The following CTNNA2 variants were observed in gnomAD, a reference collection of about 807,000 sequenced individuals.
The protein encoded by CTNNA2 is catenin alpha-2.
CTNNA2 carries 42 observed loss-of-function variants against 101.0 expected under a neutral mutation model. That is an observed-to-expected ratio of 0.42 (90% CI 0.32 to 0.54). CTNNA2 has a LOEUF of 0.54. Ranked by LOEUF, CTNNA2 falls within the 20% of genes least tolerant of loss-of-function variation. The probability of loss-of-function intolerance (pLI) is 0.14; values close to 1 mark genes in which losing one functional copy is unlikely to be tolerated. For missense variants in CTNNA2, 871 were observed against 1,223.1 expected, an observed-to-expected ratio of 0.71 and a Z score of 4.29; for synonymous variants, 450 against 456.4, an observed-to-expected ratio of 0.99 and a Z score of 0.18.
chr2:80,331,310 C>A (rs900359894), intron 7 of CTNNA2, among the ~76,000 whole-genome samples: 1 of 152,146 alleles, frequency 6.6e-6, no homozygotes, highest in Admixed American at 6.5e-5. Flanking sequence ...CTCTTGCCTC[C>A]GTTTGATTGC....
At chr2:80,585,215 G>C (rs75281394) in intron 14 of CTNNA2, among the ~76,000 whole-genome samples, 1,529 of 152,224 alleles carry the variant, frequency 0.01, 12 homozygotes, top group South Asian at 0.041. Flanking sequence ...AAATCTCCTT[G>C]AGATTTAAAT....
In CTNNA2 at chr2:80,125,820, A is replaced by C. The variant is rs548875691; in HGVS notation, c.1056+216023A>C. Reference sequence around the variant, plus strand: ...AATCTCTGCAGCCTGCTACAATGGAAATTTTTGTGTAAGGCAAAATGATAT... The same window carrying C: ...AATCTCTGCAGCCTGCTACAATGGACATTTTTGTGTAAGGCAAAATGATAT... On this transcript the variant is annotated intron_variant, in intron 7 of 18. Coordinates refer to ENST00000402739, the MANE Select transcript of CTNNA2 (RefSeq NM_001282597.3). Among the ~76,000 whole-genome samples, 22 of 152,282 alleles carry C rather than the reference A, an allele frequency of 1.4e-4. No individual in the cohort carries two copies. In the South Asian group the frequency reaches 2.9e-3, roughly 20 times the overall value.
chr2:80,403,815 T>A (rs1368932972), intron 8 of CTNNA2, among the ~76,000 whole-genome samples: 1 of 152,216 alleles, frequency 6.6e-6, no homozygotes, highest in Admixed American at 6.5e-5. Context: ...GTTTTTAACA[T>A]GAAGGGATGT....
chr2:79,285,428 C>T (rs377186086), intron 2 of CTNNA2, among the ~76,000 whole-genome samples: 305 of 147,934 alleles, frequency 2.1e-3, no homozygotes, highest in Non-Finnish European at 3.1e-3. Flanking sequence ...GCTTTGAATG[C>T]GTCCCAGAGA....
chr2:80,021,005 T>C lies in CTNNA2; in HGVS notation c.1056+111208T>C, dbSNP rs909363523. Among the ~76,000 whole-genome samples, 17 of 144,644 alleles carry C rather than the reference T, an allele frequency of 1.2e-4. No homozygotes were observed. In the East Asian group the frequency reaches 3.4e-3, roughly 29 times the overall value. 94.9% of individuals were successfully genotyped at this position (144,644 alleles called of 152,430 possible). On this transcript the variant is annotated intron_variant, in intron 7 of 18. Transcript: ENST00000402739. ...AATGACCAATCATCTTTTTTTTTTT[T>C]TTTTTTTTTTTTTTGAGACAAGTTC...
At chr2:79,739,710 G>C (rs1180418339) in intron 2 of CTNNA2, among the ~76,000 whole-genome samples, 3 of 152,210 alleles carry the variant, frequency 2.0e-5, no homozygotes, top group African/African-American at 7.2e-5. Flanking sequence ...CCAAGACCTA[G>C]TGTCAGTCTG....
intron 4 of CTNNA2, among the ~76,000 whole-genome samples, chr2:79,862,130 G>A (rs978029412): frequency 5.3e-5 from 8 of 152,190 alleles, no homozygotes; most frequent in Non-Finnish European, 1.2e-4. Context: ...ATGTAGATGT[G>A]TATGTCAGAG....
At chr2:79,514,730 T>C (rs1671716723) in intron 1 of CTNNA2, 1 of 152,200 alleles carries the variant, frequency 6.6e-6, no homozygotes, top group African/African-American at 2.4e-5. Flanking sequence ...GAAGCCTATA[T>C]TTTGTTCTAT....
chr2:80,272,446 T>A (rs1673570991), intron 7 of CTNNA2, among the ~76,000 whole-genome samples: 1 of 152,242 alleles, frequency 6.6e-6, no homozygotes, highest in African/African-American at 2.4e-5. Context: ...TCTTTCTATG[T>A]TTATTTCCTC....
At chr2:80,164,180 C>A (rs1704514572) in intron 7 of CTNNA2, among the ~76,000 whole-genome samples, 1 of 151,728 alleles carries the variant, frequency 6.6e-6, no homozygotes, top group African/African-American at 2.4e-5. Flanking sequence ...AAGCTTAAGT[C>A]TGCCATTTTA....
At chr2:80,232,341 G>GTTTTTTTTTTTTTTTTTTTT (rs1286822049) in intron 7 of CTNNA2, among the ~76,000 whole-genome samples, 57 of 82,002 alleles carry the variant, frequency 7.0e-4, no homozygotes, top group East Asian at 4.3e-3. Context: ...TTGTTTGTTT[G>GTTTTTTTTTTTTTTTTTTTT]TTTGTTTTTT....
chr2:80,217,496 A>C (rs970537495), intron 7 of CTNNA2, among the ~76,000 whole-genome samples: 1 of 152,066 alleles, frequency 6.6e-6, no homozygotes, highest in African/African-American at 2.4e-5. Context: ...AAAATTAAAG[A>C]TCAGACTCAG....
At chr2:80,079,404 T>G (rs1031206527) in intron 7 of CTNNA2, among the ~76,000 whole-genome samples, 3 of 152,138 alleles carry the variant, frequency 2.0e-5, no homozygotes, top group African/African-American at 7.2e-5. Flanking sequence ...AGAAAAGATT[T>G]CATAAATACC....
chr2:80,395,383 C>G lies in CTNNA2; in HGVS notation c.1137+2092C>G, dbSNP rs111714970. 2.1e-3 allele frequency among the ~76,000 whole-genome samples: 327 copies of G among 152,318 alleles called. 3 individuals are homozygous for G. Among genetic ancestry groups the G allele is most frequent in the African/African-American group, 7.6e-3 (317 of 41,566 alleles). On this transcript the variant is annotated intron_variant, in intron 8 of 18. Transcript: ENST00000402739. Reference sequence around the variant, plus strand: ...ACTGTATCCATGAATTTGGTTGAAACATCTTTCTCTTCTCCAATCTGCCTT... The same window carrying G: ...ACTGTATCCATGAATTTGGTTGAAAGATCTTTCTCTTCTCCAATCTGCCTT...
At chr2:79,843,628 C>T (rs935925622) in intron 3 of CTNNA2, among the ~76,000 whole-genome samples, 20 of 152,176 alleles carry the variant, frequency 1.3e-4, no homozygotes, top group African/African-American at 4.8e-4. Context: ...AATACAAGCT[C>T]TCTGCATCTA....
intron 7 of CTNNA2, among the ~76,000 whole-genome samples, chr2:80,242,232 C>G (rs1016136196): frequency 1.3e-5 from 2 of 152,138 alleles, no homozygotes; most frequent in African/African-American, 4.8e-5. Flanking sequence ...TGTTTTCTCT[C>G]ATGGACATTG....
At chr2:79,788,406 G>C (rs1675014974) in intron 3 of CTNNA2, among the ~76,000 whole-genome samples, 1 of 152,068 alleles carries the variant, frequency 6.6e-6, no homozygotes, top group Non-Finnish European at 1.5e-5. Flanking sequence ...GAAGTTTTTA[G>C]CTTAGGTGGC....
chr2:79,883,324 A>T (rs1683591582), intron 6 of CTNNA2, among the ~76,000 whole-genome samples: 1 of 152,244 alleles, frequency 6.6e-6, no homozygotes, highest in Admixed American at 6.5e-5. Flanking sequence ...CTGAGTAGTT[A>T]TAATTGTGGC....
intron 1 of CTNNA2, among the ~76,000 whole-genome samples, chr2:79,551,880 G>A (rs1456742363): frequency 6.6e-6 from 1 of 152,104 alleles, no homozygotes; most frequent in Non-Finnish European, 1.5e-5. Flanking sequence ...CTGCCCCCAT[G>A]ATCCAGTCAC....
Sources: allele counts gnomAD v4.1 joint callset (sites outside exome capture counted in the v4.1 genomes callset), GRCh38; gene constraint gnomAD v4.1.1; transcripts MANE v1.5; gene names NCBI Gene and HGNC (gene_info 2026-07-23, HGNC 2026-07-21).